The following DENND2B variants were observed in gnomAD, a reference collection of about 807,000 sequenced individuals.
DENND2B encodes DENN domain containing 2B, also known as DENN domain-containing protein 2B.
In DENND2B, 32 loss-of-function variants were observed where a neutral mutation model predicts 116.0. The observed-to-expected ratio is 0.28, with a 90% CI of 0.21 to 0.37. DENND2B has a LOEUF of 0.37. Ranked by LOEUF, DENND2B falls within the 10% of genes least tolerant of loss-of-function variation. The pLI is 1.00. For missense variants in DENND2B, 1,276 were observed against 1,477.7 expected (o/e 0.86, Z 2.24); for synonymous variants, 588 against 583.9 (o/e 1.01, Z -0.10).
At chr11:8,761,957 G>A (rs1028910185) in intron 1 of DENND2B, among the ~76,000 whole-genome samples, 3 of 152,106 alleles carry the variant, frequency 2.0e-5, no homozygotes, top group East Asian at 1.9e-4. Context: ...GGAAGTCTCC[G>A]GGCTGGGGTT....
At chr11:8,898,342 C>T (rs11042114) in intron 1 of DENND2B, among the ~76,000 whole-genome samples, 29,433 of 151,916 alleles carry the variant, frequency 0.19, 2,973 homozygotes, top group East Asian at 0.31. Context: ...GCCTGCACAA[C>T]ATAGTGAGAC....
chr11:8,903,811 C>T (rs1478519831), intron 1 of DENND2B, among the ~76,000 whole-genome samples: 2 of 148,214 alleles, frequency 1.3e-5, no homozygotes, highest in Non-Finnish European at 3.0e-5. Context: ...ATCACCTGAG[C>T]CCAGGGAGTT....
At chr11:8,777,350 C>G (rs762650005) in intron 1 of DENND2B, among the ~76,000 whole-genome samples, 1 of 152,214 alleles carries the variant, frequency 6.6e-6, no homozygotes, top group Non-Finnish European at 1.5e-5. Context: ...TCCCCCTGCC[C>G]AGGGGAGACA....
Position 8,887,810 on chromosome 11 carries a change from C to T in DENND2B, c.-255-6701G>A, listed in dbSNP as rs1260037461. On this transcript the variant is annotated intron_variant, in intron 1 of 22. Coordinates refer to the DENND2B transcript ENST00000534127. ...CTATAATATCCTTTAGCCAAGGCAC[C>T]TCAGATAACAATTTGAGCCACCTCA... is the stretch of plus-strand genomic sequence containing the variant. Among the ~76,000 whole-genome samples the T allele has an allele frequency of 2.6e-5, 4 of 152,124 alleles. No homozygotes were observed. In the East Asian group the frequency reaches 7.7e-4, roughly 29 times the overall value.
Position 8,712,385 on chromosome 11 carries a change from C to G in DENND2B, c.2172+166G>C, listed in dbSNP as rs565642049. ...AAGCACTGGCCCAAACCCACCCCCG[C>G]TGCAGCCCTGTCTTCCCTCCTGGCT... On this transcript the variant is annotated intron_variant, in intron 9 of 19. Coordinates refer to ENST00000313726, the MANE Select transcript of DENND2B (RefSeq NM_213618.2). The surrounding 1 kb of genome is among the most constrained non-coding windows in gnomAD (Gnocchi z 4.4). Among the ~76,000 whole-genome samples, 1 of 152,298 alleles carries G rather than the reference C, an allele frequency of 6.6e-6. No individual in the cohort carries two copies. Among genetic ancestry groups the G allele is most frequent in the Admixed American group, 6.5e-5 (1 of 15,300 alleles).
At chr11:8,890,129 C>T (rs2064012148) in intron 1 of DENND2B, among the ~76,000 whole-genome samples, 1 of 152,226 alleles carries the variant, frequency 6.6e-6, no homozygotes, top group Admixed American at 6.5e-5. Context: ...CCCAGGCAAA[C>T]AGGGTCTGGA....
At chr11:8,832,839 G>T (rs974218164) in intron 4 of DENND2B, among the ~76,000 whole-genome samples, 2 of 152,236 alleles carry the variant, frequency 1.3e-5, no homozygotes, top group Non-Finnish European at 2.9e-5. Flanking sequence ...CACAGTGGTG[G>T]GAAGAGGCCC....
chr11:8,893,242 G>A (rs1368608607), intron 1 of DENND2B, among the ~76,000 whole-genome samples: 2 of 152,070 alleles, frequency 1.3e-5, no homozygotes, highest in African/African-American at 2.4e-5. Context: ...TTGATGGGAC[G>A]TATCTCAAAA....
intron 14 of DENND2B, among the ~76,000 whole-genome samples, chr11:8,701,190 G>A (rs1343096016): frequency 2.0e-5 from 3 of 152,140 alleles, no homozygotes; most frequent in African/African-American, 7.2e-5. Flanking sequence ...ATTAGAAATT[G>A]GGTCCACCCA....
chr11:8,702,871 C>T lies in DENND2B; in HGVS notation c.2572-151G>A. The T allele has an allele frequency of 1.1e-6, 1 of 934,452 alleles. No individual in the cohort carries two copies. The highest frequency in any genetic ancestry group is 1.6e-6 in the Non-Finnish European group (1 of 639,140). The allele number at this position is 934,452 out of a possible 1,614,324, so 57.9% of individuals were successfully genotyped here. ...CTGCTATGCAGTAAACCCCTCTTCTCCATCCCTCGGACTACAGCTCTGCTC... is the reference window on the plus strand; with the variant it reads ...CTGCTATGCAGTAAACCCCTCTTCTTCATCCCTCGGACTACAGCTCTGCTC... On this transcript the variant is annotated intron_variant, in intron 13 of 19. Transcript: ENST00000313726. This position sits in a 1 kb window ranked among gnomAD's most constrained non-coding sequence, Gnocchi z 4.6.
rs2040423971 is a variant in DENND2B at position 8,696,730 on chromosome 11, C to A, written c.3053-64G>T. 7 of 1,587,062 alleles carry A rather than the reference C, an allele frequency of 4.4e-6. 1 individual carries two copies. In the South Asian group the frequency reaches 8.0e-5, roughly 18 times the overall value. ...AGCCTGCAAAGCCTTCCTCAATCTT[C>A]CTGGTGTAGTCTTCCTCTCCCCAAC... On this transcript the variant is annotated intron_variant, in intron 17 of 19. Transcript: ENST00000313726.
At chr11:8,714,306 G>T (rs1229514856) in intron 7 of DENND2B, among the ~76,000 whole-genome samples, 1 of 152,244 alleles carries the variant, frequency 6.6e-6, no homozygotes, top group Non-Finnish European at 1.5e-5. Context: ...GGGCCTACAG[G>T]CCTGGAAAAG....
chr11:8,717,705 C>T (rs372824306), intron 5 of DENND2B, 36 bp downstream of exon 5: 590 of 1,499,602 alleles, frequency 3.9e-4, no homozygotes, highest in Non-Finnish European at 4.8e-4. Flanking sequence ...GTGGCCCTCA[C>T]GCTAACCCTA....
rs111431629 is a variant in DENND2B at position 8,712,518 on chromosome 11, A to G, written c.2172+33T>C. The G allele has an allele frequency of 2.3e-4, 353 of 1,539,336 alleles. 2 individuals are homozygous for G. The African/African-American group carries it at 3.7e-3, about 16-fold the overall frequency. ...GCGGATAGAGGATGGAAGAGGGGGA[A>G]TATGGGCAAGGTGGGGAGAGAGAAG... On this transcript the variant is annotated intron_variant, in intron 9 of 19. Coordinates refer to ENST00000313726, the MANE Select transcript of DENND2B (RefSeq NM_213618.2). This position sits in a 1 kb window ranked among gnomAD's most constrained non-coding sequence, Gnocchi z 4.4.
chr11:8,868,779 C>G (rs2063672120), intron 2 of DENND2B, among the ~76,000 whole-genome samples: 1 of 152,182 alleles, frequency 6.6e-6, no homozygotes, highest in South Asian at 2.1e-4. Flanking sequence ...CAGCAACTCT[C>G]CACCAGTTTC....
chr11:8,764,942 CAAAAAAA>C (rs35421038), intron 1 of DENND2B, among the ~76,000 whole-genome samples: 103 of 100,282 alleles, frequency 1.0e-3, no homozygotes, highest in Middle Eastern at 4.9e-3. Context: ...GAGACTGTCT[CAAAAAAA>C]AAAAAAAAAA....
At chr11:8,735,359 C>G (rs775501967) in intron 2 of DENND2B, among the ~76,000 whole-genome samples, 3 of 152,174 alleles carry the variant, frequency 2.0e-5, no homozygotes, top group Non-Finnish European at 2.9e-5. Flanking sequence ...CCACCTTGGA[C>G]CCAGACCCAG....
chr11:8,806,154 C>T (rs1021331985), intron 1 of DENND2B, among the ~76,000 whole-genome samples: 2 of 152,184 alleles, frequency 1.3e-5, no homozygotes, highest in Non-Finnish European at 2.9e-5. Context: ...TGCTTCCTTC[C>T]AGTAGTCTTC....
intron 3 of DENND2B, among the ~76,000 whole-genome samples, chr11:8,851,370 C>T (rs957288179): frequency 5.9e-5 from 9 of 151,842 alleles, no homozygotes; most frequent in Admixed American, 4.6e-4. Context: ...AGAAATTAAA[C>T]GGCCATTAAA....
Sources: allele counts gnomAD v4.1 joint callset (sites outside exome capture counted in the v4.1 genomes callset), GRCh38; gene constraint gnomAD v4.1.1; non-coding constraint Gnocchi (gnomAD v3.1); transcripts MANE v1.5; gene names NCBI Gene and HGNC (gene_info 2026-07-23, HGNC 2026-07-21).